KCNIP4: variants seen among roughly 807,000 people sequenced by gnomAD.
The protein encoded by KCNIP4 is potassium voltage-gated channel interacting protein 4.
In KCNIP4, 12 loss-of-function variants were observed where a neutral mutation model predicts 34.0. The ratio of observed to expected loss-of-function variants is 0.35; its 90% CI spans 0.23 to 0.57. The LOEUF (loss-of-function observed/expected upper bound fraction) is 0.57, where lower values mean the gene tolerates loss of function less well. Among genes scored for constraint, KCNIP4 ranks in the 20% least tolerant of loss-of-function variants. The pLI is 0.83. For synonymous variants in KCNIP4, 124 were observed against 102.2 expected, an observed-to-expected ratio of 1.21 and a Z score of -1.29; for missense variants, 238 against 311.7, an observed-to-expected ratio of 0.76 and a Z score of 1.78.
At chr4:21,653,700 T>A (rs943715031) in intron 1 of KCNIP4, among the ~76,000 whole-genome samples, 1 of 152,212 alleles carries the variant, frequency 6.6e-6, no homozygotes, top group African/African-American at 2.4e-5. Flanking sequence ...GCACTTTACT[T>A]GCATTGTCCT....
At chr4:20,924,641 A>C (rs571565775) in intron 1 of KCNIP4, among the ~76,000 whole-genome samples, 1 of 152,322 alleles carries the variant, frequency 6.6e-6, no homozygotes, top group African/African-American at 2.4e-5. Context: ...CTCATTAGTA[A>C]GCATATATGT....
At chr4:21,117,602 A>C (rs116710919) in intron 1 of KCNIP4, among the ~76,000 whole-genome samples, 2,038 of 152,314 alleles carry the variant, frequency 0.013, 23 homozygotes, top group Non-Finnish European at 0.019. Context: ...GGAGAGAGGC[A>C]GTGAACAGAT....
chr4:21,515,193 C>T (rs1355841056), intron 1 of KCNIP4, among the ~76,000 whole-genome samples: 1 of 152,144 alleles, frequency 6.6e-6, no homozygotes, highest in Non-Finnish European at 1.5e-5. Context: ...GGCTGGAGCT[C>T]AGTGATGGGG....
At chr4:21,809,936 T>G (rs1721524693) in intron 1 of KCNIP4, among the ~76,000 whole-genome samples, 1 of 152,182 alleles carries the variant, frequency 6.6e-6, no homozygotes. Flanking sequence ...ATTAATCCAA[T>G]TATCATGAAG....
At chr4:21,856,903 G>GCTGC (rs1326174986) in intron 1 of KCNIP4, among the ~76,000 whole-genome samples, 1 of 152,184 alleles carries the variant, frequency 6.6e-6, no homozygotes, top group East Asian at 1.9e-4. Flanking sequence ...CCAGCCCCCT[G>GCTGC]CTGCCTTGGA....
chr4:21,072,948 A>T (rs1170445060), intron 1 of KCNIP4, among the ~76,000 whole-genome samples: 1 of 152,086 alleles, frequency 6.6e-6, no homozygotes, highest in African/African-American at 2.4e-5. Flanking sequence ...CAAAGATCAG[A>T]TGGTTGTAGA....
At chr4:20,983,633 T>C (rs558157908) in intron 1 of KCNIP4, among the ~76,000 whole-genome samples, 3 of 152,338 alleles carry the variant, frequency 2.0e-5, no homozygotes, top group East Asian at 1.9e-4. Context: ...ATCCCTTCCC[T>C]TCTAATATCA....
chr4:21,689,463 T>G (rs2109040077), intron 1 of KCNIP4, among the ~76,000 whole-genome samples: 1 of 151,872 alleles, frequency 6.6e-6, no homozygotes, highest in Admixed American at 6.5e-5. Flanking sequence ...TTCCCAATTG[T>G]GAGGTTAGGA....
intron 2 of KCNIP4, among the ~76,000 whole-genome samples, chr4:20,871,486 A>C (rs1029236723): frequency 1.3e-5 from 2 of 152,034 alleles, no homozygotes; most frequent in Non-Finnish European, 2.9e-5. Context: ...TAAAAGGGCC[A>C]GGGAGTGGCA....
At chr4:21,014,830 T>C (rs142935481) in intron 1 of KCNIP4, among the ~76,000 whole-genome samples, 280 of 152,282 alleles carry the variant, frequency 1.8e-3, no homozygotes, top group African/African-American at 6.4e-3. Flanking sequence ...AGTAGCATTA[T>C]TCACAATAGC....
intron 4 of KCNIP4, among the ~76,000 whole-genome samples, chr4:20,754,974 CA>C (rs1463196285): frequency 6.6e-6 from 1 of 151,956 alleles, no homozygotes; most frequent in East Asian, 1.9e-4. Flanking sequence ...TTAAAAAATC[CA>C]TGGGTTTTAA....
At chr4:20,861,464 C>T (rs978297846) in intron 2 of KCNIP4, among the ~76,000 whole-genome samples, 3 of 152,082 alleles carry the variant, frequency 2.0e-5, no homozygotes, top group African/African-American at 7.2e-5. Context: ...CTTCCCAGAC[C>T]AACCCGAGCA....
chr4:20,884,107 G>A (rs1407692215), intron 1 of KCNIP4, among the ~76,000 whole-genome samples: 2 of 152,190 alleles, frequency 1.3e-5, no homozygotes, highest in East Asian at 3.9e-4. Flanking sequence ...TTGAGGGTCT[G>A]GCATGTAACA....
intron 1 of KCNIP4, among the ~76,000 whole-genome samples, chr4:21,577,933 A>G (rs182626983): frequency 3.4e-4 from 52 of 152,294 alleles, no homozygotes; most frequent in African/African-American, 1.2e-3. Flanking sequence ...CTATTCTTAC[A>G]TATATTCTGG....
At chr4:21,697,401 G>A in intron 1 of KCNIP4, 1 of 1,552,628 alleles carries the variant, frequency 6.4e-7, no homozygotes, top group Non-Finnish European at 8.6e-7. Flanking sequence ...GCAAATTTCA[G>A]TATTTCACGT....
intron 1 of KCNIP4, among the ~76,000 whole-genome samples, chr4:21,087,145 A>AGTGTGT (rs753858012): frequency 0.017 from 1,190 of 70,282 alleles, 12 homozygotes; most frequent in South Asian, 0.032. Flanking sequence ...ACTGCTGGGT[A>AGTGTGT]ATGTGTGTGT....
At chr4:21,298,067 A>T (rs1032768043) in intron 1 of KCNIP4, among the ~76,000 whole-genome samples, 1 of 152,268 alleles carries the variant, frequency 6.6e-6, no homozygotes, top group East Asian at 1.9e-4. Flanking sequence ...TAGTTTATTC[A>T]TCTGCAAAAT....
At chr4:21,190,461 A>AT (rs11410549) in intron 1 of KCNIP4, among the ~76,000 whole-genome samples, 61,347 of 141,484 alleles carry the variant, frequency 0.43, 14,032 homozygotes, top group African/African-American at 0.65. Flanking sequence ...CTCCCTTACC[A>AT]TTTGAACTAA....
intron 1 of KCNIP4, among the ~76,000 whole-genome samples, chr4:21,594,446 T>G (rs1191972029): frequency 1.3e-5 from 2 of 152,108 alleles, no homozygotes; most frequent in African/African-American, 4.8e-5. Context: ...GAGCAATTCT[T>G]AACTTTTATG....
Sources: gnomAD v4.1 joint callset for allele counts (sites outside exome capture counted in the v4.1 genomes callset) on GRCh38, gnomAD v4.1.1 for gene constraint, MANE v1.5 for transcripts, NCBI Gene and HGNC (gene_info 2026-07-23, HGNC 2026-07-21) for gene names.